Variants in STK32B observed in about 807,000 individuals in gnomAD.
STK32B encodes serine/threonine-protein kinase 32B.
STK32B carries 43 observed loss-of-function variants against 52.6 expected under a neutral mutation model. The ratio of observed to expected loss-of-function variants is 0.82; its 90% confidence interval spans 0.64 to 1.05. The LOEUF (loss-of-function observed/expected upper bound fraction) is 1.05. Among genes scored for constraint, STK32B ranks in the 50% least tolerant of loss-of-function variants. The pLI, the probability that STK32B is intolerant of heterozygous loss-of-function variation, is 0.00. For missense variants in STK32B, 621 were observed against 534.6 expected (o/e 1.16, Z -1.59); for synonymous variants, 238 against 204.3 (o/e 1.17, Z -1.41).
Position 5,173,123 on chromosome 4 carries a change from G to A in STK32B, c.260+4673G>A, listed in dbSNP as rs575981778. Among the ~76,000 whole-genome samples the A allele has an allele frequency of 2.0e-4, 31 of 152,288 alleles. 2 individuals carry two copies. The East Asian group carries it at 6.0e-3, about 29-fold the overall frequency. On this transcript the variant is annotated intron_variant, in intron 3 of 11. Coordinates refer to ENST00000282908, the MANE Select transcript of STK32B (RefSeq NM_018401.3). ...GAGGTGTTGATAGTATTCTCTGATA[G>A]TAGTTTGTATTTCTGTGGGATCGGT...
intron 1 of STK32B, among the ~76,000 whole-genome samples, chr4:5,137,404 C>T (rs1014198373): frequency 1.3e-5 from 2 of 152,130 alleles, no homozygotes; most frequent in Non-Finnish European, 2.9e-5. Flanking sequence ...ATTCCTTTTC[C>T]AGTTCATCAC....
chr4:5,084,262 A>T (rs953174649), intron 1 of STK32B, among the ~76,000 whole-genome samples: 4 of 152,214 alleles, frequency 2.6e-5, no homozygotes, highest in African/African-American at 9.6e-5. Flanking sequence ...GTATTGGAGA[A>T]CTGGCTGCCA....
At position 5,369,861 on chromosome 4, in the gene STK32B, AT is replaced by A. The variant is rs1735112038; in HGVS notation, c.435-28345del. The stretch of plus-strand genomic sequence containing the variant: ...ATCATCAAGGTAGCTATCAAAGAGT[AT>A]ATTTTTTTTGTTTGTTTGTTTGTTT... On this transcript the variant is annotated intron_variant, in intron 4 of 11. Transcript: ENST00000282908. Among the ~76,000 whole-genome samples, 5 of 151,620 alleles carry A rather than the reference AT, an allele frequency of 3.3e-5. No individual in the cohort carries two copies. The South Asian group carries it at 1.1e-3, about 32-fold the overall frequency.
At chr4:5,368,013 A>T (rs1734988520) in intron 4 of STK32B, among the ~76,000 whole-genome samples, 1 of 152,150 alleles carries the variant, frequency 6.6e-6, no homozygotes, top group South Asian at 2.1e-4. Context: ...TGTGGAGGTC[A>T]GGGTCTGCCT....
Position 5,162,970 on chromosome 4 carries a change from G to A in STK32B, c.109-5329G>A, listed in dbSNP as rs187613449. 2.0e-5 allele frequency among the ~76,000 whole-genome samples: 3 copies of A among 152,326 alleles called. No individual in the cohort carries two copies. The East Asian group carries it at 5.8e-4, about 29-fold the overall frequency. ...TTGTCATGGGATTTTGAGCAGGGAAGAACGGAAGCCTCTTCCTACACTGTA... is the reference window on the plus strand; with the variant it reads ...TTGTCATGGGATTTTGAGCAGGGAAAAACGGAAGCCTCTTCCTACACTGTA... On this transcript the variant is annotated intron_variant, in intron 2 of 11. Coordinates refer to ENST00000282908, the MANE Select transcript of STK32B (RefSeq NM_018401.3).
At chr4:5,100,010 A>C (rs551315417) in intron 1 of STK32B, among the ~76,000 whole-genome samples, 14 of 152,152 alleles carry the variant, frequency 9.2e-5, no homozygotes, top group South Asian at 2.1e-4. Context: ...TAAAAAAAAA[A>C]AAAACACTGA....
At chr4:5,201,184 T>C (rs1244893637) in intron 3 of STK32B, among the ~76,000 whole-genome samples, 1 of 152,188 alleles carries the variant, frequency 6.6e-6, no homozygotes, top group Admixed American at 6.5e-5. Context: ...AGATCAATTA[T>C]GTTCTTAGCA....
In STK32B at chr4:5,398,033, A is replaced by T. The variant is rs1737031516; in HGVS notation, c.435-174A>T. Among the ~76,000 whole-genome samples, 1 of 152,252 alleles carries T rather than the reference A, an allele frequency of 6.6e-6. No individual in the cohort carries two copies. Among genetic ancestry groups the T allele is most frequent in the African/African-American group, 2.4e-5 (1 of 41,468 alleles). Reference sequence around the variant, plus strand: ...CCAGGAAAGAGAAGAGGCGATAAGAACACAGGTGTCCCATTATCTTACCAA... The same window carrying T: ...CCAGGAAAGAGAAGAGGCGATAAGATCACAGGTGTCCCATTATCTTACCAA... On this transcript the variant is annotated intron_variant, in intron 4 of 11. Coordinates refer to ENST00000282908, the MANE Select transcript of STK32B (RefSeq NM_018401.3). This position sits in a 1 kb window ranked among gnomAD's most constrained non-coding sequence, Gnocchi z 4.9.
chr4:5,145,404 C>A (rs947537905), intron 2 of STK32B, among the ~76,000 whole-genome samples: 1 of 152,168 alleles, frequency 6.6e-6, no homozygotes, highest in African/African-American at 2.4e-5. Context: ...CTTAAACTTA[C>A]ATTTATTGAC....
At chr4:5,495,392 T>G (rs947833368) in intron 11 of STK32B, among the ~76,000 whole-genome samples, 5 of 152,224 alleles carry the variant, frequency 3.3e-5, no homozygotes, top group African/African-American at 1.2e-4. Context: ...TCTGCATTCT[T>G]CATGTAGTTC....
At chr4:5,455,737 T>C (rs956692333) in intron 7 of STK32B, among the ~76,000 whole-genome samples, 5 of 152,114 alleles carry the variant, frequency 3.3e-5, no homozygotes, top group Non-Finnish European at 5.9e-5. Flanking sequence ...CCCTGCTCGA[T>C]GACAGACACT....
chr4:5,372,729 G>T lies in STK32B; in HGVS notation c.435-25478G>T, dbSNP rs537201991. Among the ~76,000 whole-genome samples the T allele has an allele frequency of 5.3e-5, 8 of 149,626 alleles. No individual in the cohort carries two copies. In the South Asian group the frequency reaches 6.4e-4, roughly 12 times the overall value. ...CTCAGCAGGAGAAAGTTGGGGGGGGGGGCGGTTATTTCAGACTAATAGGTC... is the reference window on the plus strand; with the variant it reads ...CTCAGCAGGAGAAAGTTGGGGGGGGTGGCGGTTATTTCAGACTAATAGGTC... On this transcript the variant is annotated intron_variant, in intron 4 of 11. Transcript: ENST00000282908.
chr4:5,453,658 C>T lies in STK32B; in HGVS notation c.667-3149C>T, dbSNP rs1009401113. Among the ~76,000 whole-genome samples the T allele has an allele frequency of 1.3e-5, 2 of 152,162 alleles. No individual in the cohort carries two copies. Among genetic ancestry groups the T allele is most frequent in the Non-Finnish European group, 2.9e-5 (2 of 68,028 alleles). On this transcript the variant is annotated intron_variant, in intron 7 of 11. Transcript: ENST00000282908. The surrounding 1 kb of genome is among the most constrained non-coding windows in gnomAD (Gnocchi z 4.0). Reference sequence around the variant, plus strand: ...GTGGCTTACGTCTGTAATCCCAGCACTCTGGGAGGCTGAGACGGGCAGATC... The same window carrying T: ...GTGGCTTACGTCTGTAATCCCAGCATTCTGGGAGGCTGAGACGGGCAGATC...
chr4:5,125,013 G>A (rs1481396875), intron 1 of STK32B, among the ~76,000 whole-genome samples: 1 of 152,204 alleles, frequency 6.6e-6, no homozygotes, highest in Non-Finnish European at 1.5e-5. Context: ...AGGTAGATTT[G>A]AAGCGGAAGA....
At chr4:5,321,668 T>C (rs1731499144) in intron 3 of STK32B, among the ~76,000 whole-genome samples, 1 of 152,142 alleles carries the variant, frequency 6.6e-6, no homozygotes, top group African/African-American at 2.4e-5. Flanking sequence ...TTGAAATAAA[T>C]AAAACCATGA....
intron 1 of STK32B, among the ~76,000 whole-genome samples, chr4:5,095,743 G>A (rs1034620060): frequency 6.6e-5 from 10 of 152,156 alleles, no homozygotes; most frequent in Non-Finnish European, 1.0e-4. Flanking sequence ...TGTCACCACC[G>A]TCATGACTGA....
intron 1 of STK32B, among the ~76,000 whole-genome samples, chr4:5,054,745 G>C (rs926161385): frequency 1.3e-4 from 20 of 152,190 alleles, no homozygotes; most frequent in Non-Finnish European, 2.2e-4. Context: ...GAAGGTTGAA[G>C]ATGCAAACAC....
At chr4:5,098,480 G>A (rs1392955600) in intron 1 of STK32B, among the ~76,000 whole-genome samples, 1 of 152,166 alleles carries the variant, frequency 6.6e-6, no homozygotes, top group African/African-American at 2.4e-5. Context: ...ATGAGTATGT[G>A]GTATGCATGT....
chr4:5,242,650 C>A (rs1345648516), intron 3 of STK32B, among the ~76,000 whole-genome samples: 1 of 152,114 alleles, frequency 6.6e-6, no homozygotes, highest in Non-Finnish European at 1.5e-5. Flanking sequence ...GACGTCCTTG[C>A]CCATGCCTAT....
Sources: gnomAD v4.1 joint callset for allele counts (sites outside exome capture counted in the v4.1 genomes callset) on GRCh38, gnomAD v4.1.1 for gene constraint, Gnocchi (gnomAD v3.1) non-coding constraint, MANE v1.5 for transcripts, NCBI Gene and HGNC (gene_info 2026-07-23, HGNC 2026-07-21) for gene names.